Variants in SLC35F4 observed in about 807,000 individuals in gnomAD.
SLC35F4 encodes the protein solute carrier family 35 member F4.
A neutral mutation model predicts 44.2 loss-of-function variants in SLC35F4; 24 were observed. The ratio of observed to expected loss-of-function variants is 0.54; its 90% CI spans 0.39 to 0.76. The LOEUF (loss-of-function observed/expected upper bound fraction) is 0.76. Among genes scored for constraint, SLC35F4 ranks in the 30% least tolerant of loss-of-function variants. The pLI, the probability that SLC35F4 is intolerant of heterozygous loss-of-function variation, is 0.00. For synonymous variants in SLC35F4, 238 were observed against 223.6 expected, an observed-to-expected ratio of 1.06 and a Z score of -0.57; for missense variants, 562 against 586.1, an observed-to-expected ratio of 0.96 and a Z score of 0.42.
intron 1 of SLC35F4, among the ~76,000 whole-genome samples, chr14:57,761,962 C>T (rs1455718929): frequency 6.6e-6 from 1 of 152,062 alleles, no homozygotes; most frequent in East Asian, 1.9e-4. Context: ...GCTGTAGTGC[C>T]TATCTAGGAA....
intron 1 of SLC35F4, among the ~76,000 whole-genome samples, chr14:57,686,643 C>T (rs1284829157): frequency 1.3e-5 from 2 of 152,098 alleles, no homozygotes; most frequent in African/African-American, 2.4e-5. Context: ...TTGATCTTGG[C>T]TCCAAAAGTC....
intron 1 of SLC35F4, among the ~76,000 whole-genome samples, chr14:57,790,882 G>A (rs1307552790): frequency 2.6e-5 from 4 of 152,156 alleles, no homozygotes; most frequent in African/African-American, 7.2e-5. Context: ...ATGCAATGGG[G>A]AAAGGATTCC....
chr14:57,582,203 ATTT>A (rs80342073), intron 3 of SLC35F4, among the ~76,000 whole-genome samples: 42,287 of 150,310 alleles, frequency 0.28, 6,303 homozygotes, highest in East Asian at 0.64. Context: ...CCTAAACATG[ATTT>A]TTTTTTTCCC....
At chr14:57,977,128 T>A (rs959685817) in intron 1 of SLC35F4, among the ~76,000 whole-genome samples, 1 of 152,150 alleles carries the variant, frequency 6.6e-6, no homozygotes, top group African/African-American at 2.4e-5. Flanking sequence ...AAGGAAAAAA[T>A]ACTACAGTAC....
chr14:57,607,249 G>C (rs1367409522), intron 1 of SLC35F4, among the ~76,000 whole-genome samples: 1 of 152,112 alleles, frequency 6.6e-6, no homozygotes, highest in African/African-American at 2.4e-5. Context: ...GAAATAAATG[G>C]GCAGACGAGC....
At chr14:57,623,311 G>T (rs1354768917) in intron 1 of SLC35F4, among the ~76,000 whole-genome samples, 1 of 152,108 alleles carries the variant, frequency 6.6e-6, no homozygotes, top group Non-Finnish European at 1.5e-5. Context: ...GATTTGTAAA[G>T]CAAGTTCTTA....
chr14:57,883,001 G>A (rs1438685932), intron 1 of SLC35F4, among the ~76,000 whole-genome samples: 2 of 151,512 alleles, frequency 1.3e-5, no homozygotes, highest in East Asian at 3.9e-4. Context: ...AATAAGGGGA[G>A]AGAGGAGGAG....
intron 1 of SLC35F4, among the ~76,000 whole-genome samples, chr14:57,937,441 G>T (rs1889817993): frequency 6.6e-6 from 1 of 151,618 alleles, no homozygotes; most frequent in Non-Finnish European, 1.5e-5. Context: ...ACTATAGAAA[G>T]TAAAATACAG....
At chr14:57,982,706 C>A (rs915839190), upstream of SLC35F4, among the ~76,000 whole-genome samples, 5 of 151,892 alleles carry the variant, frequency 3.3e-5, no homozygotes, top group South Asian at 2.1e-4. Context: ...TAAAAAAAAT[C>A]TTTTTTCTTT....
chr14:57,629,368 G>C (rs1332587815), intron 1 of SLC35F4, among the ~76,000 whole-genome samples: 2 of 152,096 alleles, frequency 1.3e-5, no homozygotes, highest in African/African-American at 4.8e-5. Flanking sequence ...AATAAACACT[G>C]TTTTCCACTT....
intron 1 of SLC35F4, among the ~76,000 whole-genome samples, chr14:57,744,591 G>C (rs957852599): frequency 1.1e-4 from 16 of 152,048 alleles, no homozygotes; most frequent in African/African-American, 3.6e-4. Flanking sequence ...ACAAACAAAT[G>C]GAAGAAAATT....
intron 1 of SLC35F4, among the ~76,000 whole-genome samples, chr14:57,776,567 G>T (rs1369282755): frequency 6.6e-6 from 1 of 150,458 alleles, no homozygotes; most frequent in Non-Finnish European, 1.5e-5. Flanking sequence ...TTGGGAGGCT[G>T]AGGTCAGAGA....
At chr14:57,962,555 T>G (rs1211447446) in intron 1 of SLC35F4, among the ~76,000 whole-genome samples, 4 of 152,214 alleles carry the variant, frequency 2.6e-5, no homozygotes, top group African/African-American at 9.6e-5. Context: ...AAGGCCTATG[T>G]GTGGGGCTCC....
intron 1 of SLC35F4, among the ~76,000 whole-genome samples, chr14:57,653,242 T>C (rs746504038): frequency 1.3e-5 from 2 of 152,140 alleles, no homozygotes; most frequent in Non-Finnish European, 2.9e-5. Context: ...TGCCCTGAAG[T>C]GCTTGCAATA....
At chr14:57,724,085 C>T (rs2076147348) in intron 1 of SLC35F4, among the ~76,000 whole-genome samples, 1 of 152,188 alleles carries the variant, frequency 6.6e-6, no homozygotes, top group Non-Finnish European at 1.5e-5. Flanking sequence ...GAAGGCAACA[C>T]ATTCCTCATC....
intron 1 of SLC35F4, among the ~76,000 whole-genome samples, chr14:57,602,786 TTC>T (rs2070907908): frequency 2.0e-5 from 3 of 152,260 alleles, no homozygotes; most frequent in East Asian, 3.9e-4. Flanking sequence ...AAGACATATT[TTC>T]TCTGTTTCCC....
chr14:57,697,727 AT>A (rs2075423972), intron 1 of SLC35F4, among the ~76,000 whole-genome samples: 1 of 151,672 alleles, frequency 6.6e-6, no homozygotes, highest in African/African-American at 2.4e-5. Context: ...AAGAAAATTC[AT>A]GTAAGTAAAA....
At chr14:57,616,585 T>A (rs2071844093) in intron 1 of SLC35F4, among the ~76,000 whole-genome samples, 1 of 152,196 alleles carries the variant, frequency 6.6e-6, no homozygotes, top group African/African-American at 2.4e-5. Context: ...ATGAATTGGG[T>A]GGGCTGGTTG....
chr14:57,595,027 C>G (rs2070411205), intron 1 of SLC35F4, among the ~76,000 whole-genome samples: 1 of 152,170 alleles, frequency 6.6e-6, no homozygotes, highest in Non-Finnish European at 1.5e-5. Flanking sequence ...ACTGGTACAT[C>G]ACTATTAACC....
Sources: gnomAD v4.1 joint callset for allele counts (sites outside exome capture counted in the v4.1 genomes callset) on GRCh38, gnomAD v4.1.1 for gene constraint, MANE v1.5 for transcripts, NCBI Gene and HGNC (gene_info 2026-07-23, HGNC 2026-07-21) for gene names.